SMAD2: variants seen among roughly 807,000 people sequenced by gnomAD.
SMAD2 encodes the protein MAD homolog 2.
SMAD2 carries 8 observed loss-of-function variants against 64.4 expected under a neutral mutation model. The ratio of observed to expected loss-of-function variants is 0.12; its 90% CI spans 0.07 to 0.22. The LOEUF is 0.22. Ranked by LOEUF, SMAD2 falls within the 10% of genes least tolerant of loss-of-function variation. SMAD2 has a pLI of 1.00. For missense variants in SMAD2, 289 were observed against 561.2 expected (o/e 0.51, Z 4.90); for synonymous variants, 203 against 195.8 (o/e 1.04, Z -0.31).
chr18:47,920,183 A>C (rs1411449401), intron 1 of SMAD2: 2 of 152,122 alleles, frequency 1.3e-5, no homozygotes, highest in Non-Finnish European at 2.9e-5. Flanking sequence ...CACATGGAGG[A>C]CAGAATGCTA....
At chr18:47,918,795 G>A (rs2034436851) in intron 1 of SMAD2, among the ~76,000 whole-genome samples, 1 of 152,014 alleles carries the variant, frequency 6.6e-6, no homozygotes, top group African/African-American at 2.4e-5. Context: ...TAAAGTAGAA[G>A]AAATCTTCCA....
chr18:47,862,219 C>A (rs1418350270), intron 6 of SMAD2, among the ~76,000 whole-genome samples: 1 of 152,104 alleles, frequency 6.6e-6, no homozygotes, highest in African/African-American at 2.4e-5. Flanking sequence ...ATATAACTTA[C>A]AAATAATTAA....
At chr18:47,867,657 CA>C (rs530649435) in intron 5 of SMAD2, among the ~76,000 whole-genome samples, 1,566 of 94,728 alleles carry the variant, frequency 0.017, 18 homozygotes, top group African/African-American at 0.05. Flanking sequence ...AGTTGTTCTC[CA>C]AAAAAAAAAA....
chr18:47,913,213 G>A (rs1045493587), intron 1 of SMAD2, among the ~76,000 whole-genome samples: 7 of 152,192 alleles, frequency 4.6e-5, no homozygotes, highest in Non-Finnish European at 5.9e-5. Context: ...GAGCCACAGC[G>A]CCCAGCCTGT....
At chr18:47,851,369 A>G in intron 6 of SMAD2, 42 bp from the exon 7 acceptor site, 1 of 1,326,576 alleles carries the variant, frequency 7.5e-7, no homozygotes, top group Non-Finnish European at 1.1e-6. Context: ...TATTTCCAGA[A>G]CTTCTGATCA....
intron 1 of SMAD2, among the ~76,000 whole-genome samples, chr18:47,925,591 A>G (rs541692548): frequency 6.6e-6 from 1 of 152,326 alleles, no homozygotes; most frequent in African/African-American, 2.4e-5. Context: ...TCAACATTGA[A>G]TTATGTCCTA....
At chr18:47,924,248 CAAAAAAA>C (rs201933597) in intron 1 of SMAD2, among the ~76,000 whole-genome samples, 1 of 99,758 alleles carries the variant, frequency 1.0e-5, no homozygotes, top group East Asian at 2.7e-4. Context: ...AACTCCGTCT[CAAAAAAA>C]AAAAAAAAAA....
At chr18:47,842,490 A>C (rs1277221911) in intron 10 of SMAD2, among the ~76,000 whole-genome samples, 2 of 152,136 alleles carry the variant, frequency 1.3e-5, no homozygotes, top group East Asian at 3.9e-4. Context: ...CAGTGAGCCG[A>C]GATCATGCCA....
chr18:47,818,089 C>T lies in SMAD2; in HGVS notation c.*23738G>A, dbSNP rs1198556681. The T allele has an allele frequency of 6.6e-6, 1 of 152,128 alleles. No homozygotes were observed. The highest frequency in any genetic ancestry group is 2.4e-5 in the African/African-American group (1 of 41,424). The allele number at this position is 152,128 out of a possible 1,614,324, so 9.4% of individuals were successfully genotyped here. On this transcript the variant is annotated 3_prime_UTR_variant, in exon 11 of 11. Transcript: ENST00000262160. ...TCTAAACTCCCCAAGCTTTTTTATTCTTAGTACCAAGAGACTGCAGCTATA... is the reference window on the plus strand; with the variant it reads ...TCTAAACTCCCCAAGCTTTTTTATTTTTAGTACCAAGAGACTGCAGCTATA...
intron 2 of SMAD2, chr18:47,887,005 A>G (rs2032949357): frequency 6.6e-6 from 1 of 151,904 alleles, no homozygotes; most frequent in Non-Finnish European, 1.5e-5. Context: ...TTTTCTCCCC[A>G]CATATTCTTC....
intron 1 of SMAD2, among the ~76,000 whole-genome samples, chr18:47,912,668 C>T (rs137900623): frequency 1.4e-4 from 21 of 152,182 alleles, no homozygotes; most frequent in African/African-American, 4.8e-4. Context: ...TCCAGCTCCA[C>T]AATTATATCC....
rs1312562947 is a variant in SMAD2, at chr18:47,870,508, G to A, written c.293C>T (p.Thr98Ile). 1 of 1,613,368 alleles carries A rather than the reference G, an allele frequency of 6.2e-7. No homozygotes were observed. The change falls in exon 3 of 11, where the codon ACA (threonine) becomes ATA (isoleucine). Residue 98 changes from threonine (T) to isoleucine (I), a missense_variant. By Grantham distance (89) the Thr-to-Ile change is moderately conservative (BLOSUM62 -1). Around this residue, in one of 6 missense-constraint regions of SMAD2, gnomAD observed 89 missense variants for 137.1 expected, o/e 0.65. Transcript: ENST00000262160. ...TTCAGAGAAGCTGTAAAGGCCTGTT[G>A]TATCCCACTGATCTATCGTATTTGG... is the stretch of plus-strand genomic sequence containing the variant. ...STPNTIDQWD[T>I]TGLYSFSEQT... is the part of the protein sequence containing the mutation.
At position 47,829,881 on chromosome 18, in the gene SMAD2, C is replaced by T. The variant is rs1912919545; in HGVS notation, c.*11946G>A. The T allele has an allele frequency of 6.6e-6, 1 of 152,172 alleles. No homozygotes were observed. The highest frequency in any genetic ancestry group is 1.5e-5 in the Non-Finnish European group (1 of 68,024). 9.4% of individuals were successfully genotyped at this position (152,172 alleles called of 1,614,324 possible). On this transcript the variant is annotated 3_prime_UTR_variant, in exon 11 of 11. Transcript: ENST00000262160. ...AATAATGACTAAGCTAACAACCAAA[C>T]TTTCAGAGTATAAAATTTTGTCAGT...
At chr18:47,844,467 T>C (rs994343499) in intron 10 of SMAD2, among the ~76,000 whole-genome samples, 4 of 151,934 alleles carry the variant, frequency 2.6e-5, no homozygotes, top group Non-Finnish European at 5.9e-5. Flanking sequence ...TTCTCTCTCT[T>C]TGATGTGAAA....
chr18:47,861,122 G>A lies in SMAD2; in HGVS notation c.730+3937C>T, dbSNP rs765593414. Among the ~76,000 whole-genome samples, 8 of 152,110 alleles carry A rather than the reference G, an allele frequency of 5.3e-5. No homozygotes were observed. In the South Asian group the frequency reaches 1.0e-3, roughly 20 times the overall value. On this transcript the variant is annotated intron_variant, in intron 6 of 10. Coordinates refer to ENST00000262160, the MANE Select transcript of SMAD2 (RefSeq NM_005901.6). ...TGTAATCCCAGCACTTTGGGAGGCC[G>A]AGGCGGGTGGATCACCTGAGGTTGG...
intron 2 of SMAD2, among the ~76,000 whole-genome samples, chr18:47,871,574 A>G (rs1291493312): frequency 5.3e-5 from 8 of 152,282 alleles, no homozygotes; most frequent in African/African-American, 1.4e-4. Flanking sequence ...GGAACACATC[A>G]TGCCCTGCTT....
intron 6 of SMAD2, 41 bp downstream of exon 6, chr18:47,865,018 A>AT (rs1568060058): frequency 1.8e-6 from 2 of 1,110,748 alleles, no homozygotes. Context: ...CAAGAAATGT[A>AT]TATCTAATAA....
chr18:47,861,339 C>CA (rs199958473), intron 6 of SMAD2, among the ~76,000 whole-genome samples: 32 of 150,542 alleles, frequency 2.1e-4, no homozygotes, highest in Admixed American at 6.6e-4. Context: ...AACAATCAAA[C>CA]AAAAAAAAAC....
rs1912258653 is a variant in SMAD2, at chr18:47,813,208, C to G, written c.*28619G>C. The G allele has an allele frequency of 6.6e-6, 1 of 151,992 alleles. No homozygotes were observed. Among genetic ancestry groups the G allele is most frequent in the Non-Finnish European group, 1.5e-5 (1 of 68,012 alleles). 9.4% of individuals were successfully genotyped at this position (151,992 alleles called of 1,614,324 possible). A position where few individuals can be genotyped will look rare whatever the true frequency, so the allele number is the denominator to read the frequency against. The stretch of plus-strand genomic sequence containing the variant: ...TCCAGCCTGAGTGATGAAACTTGGT[C>G]TCAAAAATAACTAAATAACTAAATA... On this transcript the variant is annotated 3_prime_UTR_variant, in exon 11 of 11. Coordinates refer to ENST00000262160, the MANE Select transcript of SMAD2 (RefSeq NM_005901.6).
Sources: allele counts gnomAD v4.1 joint callset (sites outside exome capture counted in the v4.1 genomes callset), GRCh38; gene constraint gnomAD v4.1.1; regional missense constraint gnomAD v4.1.1; transcripts MANE v1.5; gene names NCBI Gene and HGNC (gene_info 2026-07-23, HGNC 2026-07-21).